PON1: variants seen among roughly 807,000 people sequenced by gnomAD.
The protein encoded by PON1 is paraoxonase 1.
PON1 carries 37 observed loss-of-function variants against 39.2 expected under a neutral mutation model. The ratio of observed to expected loss-of-function variants is 0.94; its 90% CI spans 0.73 to 1.24. The LOEUF (loss-of-function observed/expected upper bound fraction) is 1.24. Among genes scored for constraint, PON1 ranks in the 50% most tolerant of loss-of-function variants. The probability of loss-of-function intolerance (pLI) is 0.00; values close to 1 mark genes in which losing one functional copy is unlikely to be tolerated. For missense variants in PON1, 397 were observed against 413.5 expected (o/e 0.96, Z 0.35); for synonymous variants, 148 against 152.2 (o/e 0.97, Z 0.21).
intron 5 of PON1, among the ~76,000 whole-genome samples, chr7:95,310,813 A>C (rs1807637377): frequency 6.6e-6 from 1 of 152,210 alleles, no homozygotes; most frequent in South Asian, 2.1e-4. Flanking sequence ...ATAGAGTCGG[A>C]TTGTTCTCCT....
rs542286626 is a variant in PON1 at position 95,309,631 on chromosome 7, T to C, written c.498-1420A>G. On this transcript the variant is annotated intron_variant, in intron 5 of 8. Transcript: ENST00000222381. ...CTGACACTGCTTGCTATCCTTATAA[T>C]GTGGGGCCACAGCATTGTCACTAAA... is the stretch of plus-strand genomic sequence containing the variant. Among the ~76,000 whole-genome samples the C allele has an allele frequency of 1.7e-4, 26 of 152,314 alleles. No homozygotes were observed. In the East Asian group the frequency reaches 4.8e-3, roughly 28 times the overall value.
chr7:95,311,275 G>T (rs2074354), intron 5 of PON1, among the ~76,000 whole-genome samples, 176 bp downstream of exon 5: 1 of 151,944 alleles, frequency 6.6e-6, no homozygotes, highest in Admixed American at 6.6e-5. Context: ...AGAATGGGCC[G>T]TCTCTGAGGG....
chr7:95,317,483 C>T (rs62467349), intron 2 of PON1, among the ~76,000 whole-genome samples: 18,001 of 146,148 alleles, frequency 0.12, 1,110 homozygotes, highest in Non-Finnish European at 0.13. Context: ...ACAATCGCAC[C>T]ATAAGATATC....
intron 4 of PON1, among the ~76,000 whole-genome samples, chr7:95,312,279 C>T (rs190749690): frequency 2.6e-5 from 4 of 152,236 alleles, no homozygotes; most frequent in Admixed American, 6.5e-5. Flanking sequence ...CTGCAACCTC[C>T]GCCTCCCAGG....
rs374067811 is a variant in PON1 at position 95,308,019 on chromosome 7, G to C, written c.690C>G (p.Pro230=). The change falls in exon 6 of 9, where the codon CCC becomes CCG. Residue 230 remains proline (P), a synonymous_variant. Coordinates refer to ENST00000222381, the MANE Select transcript of PON1 (RefSeq NM_000446.7). ...TCAGAGAGTTCACATACTTGCCATC[G>C]GGTGAAATGTTGATTCCATTAGCAA... ...FDFANGINIS[P]DGKYVYIAEL... The C allele has an allele frequency of 3.7e-6, 6 of 1,613,324 alleles. 1 individual carries two copies. In the South Asian group the frequency reaches 5.5e-5, roughly 15 times the overall value.
At chr7:95,311,946 G>A (rs1370987294) in intron 4 of PON1, among the ~76,000 whole-genome samples, 2 of 152,216 alleles carry the variant, frequency 1.3e-5, no homozygotes, top group East Asian at 1.9e-4. Flanking sequence ...ATATGAGAAG[G>A]TGTGATCAGG....
chr7:95,308,494 GT>G (rs2116310077), intron 5 of PON1, among the ~76,000 whole-genome samples: 1 of 151,930 alleles, frequency 6.6e-6, no homozygotes, highest in South Asian at 2.1e-4. Context: ...GTGTGTGTGT[GT>G]GTGTGTGTGT....
chr7:95,306,749 C>T (rs949974357), intron 6 of PON1, among the ~76,000 whole-genome samples: 22 of 152,096 alleles, frequency 1.4e-4, no homozygotes, highest in Non-Finnish European at 2.9e-4. Context: ...CAGGAAAGCC[C>T]TTGGACAACA....
chr7:95,311,704 T>A, intron 4 of PON1, 127 bp from the exon 5 acceptor site: 1 of 1,033,464 alleles, frequency 9.7e-7, no homozygotes, highest in Admixed American at 1.9e-5. Context: ...AATATTTTCA[T>A]CTCTTTGTAG....
intron 8 of PON1, among the ~76,000 whole-genome samples, chr7:95,301,777 C>T (rs966542882): frequency 6.6e-6 from 1 of 152,040 alleles, no homozygotes; most frequent in African/African-American, 2.4e-5. Context: ...CCATGTCCCC[C>T]CTTTTATTTG....
intron 8 of PON1, among the ~76,000 whole-genome samples, chr7:95,300,860 C>A (rs1005570860): frequency 1.3e-5 from 2 of 152,154 alleles, no homozygotes; most frequent in South Asian, 4.1e-4. Flanking sequence ...CATTCAGCAA[C>A]CCTAATAGCT....
Position 95,318,283 on chromosome 7 carries a change from G to A in PON1, c.145+40C>T, listed in dbSNP as rs377573606. ...ATCACACAAAGAGCAAAAAAATACC[G>A]GAAGTTCAAATGAGACCCTTCTTCC... On this transcript the variant is annotated intron_variant, in intron 2 of 8. Transcript: ENST00000222381. 4.6e-6 allele frequency: 7 copies of A among 1,522,090 alleles called. No homozygotes were observed. In the African/African-American group the frequency reaches 5.5e-5, roughly 12 times the overall value. The allele number at this position is 1,522,090 out of a possible 1,614,324, so 94.3% of individuals were successfully genotyped here. A position where few individuals can be genotyped will look rare whatever the true frequency, so the allele number is the denominator to read the frequency against.
intron 7 of PON1, among the ~76,000 whole-genome samples, chr7:95,302,884 A>G (rs1807464935): frequency 6.6e-6 from 1 of 152,042 alleles, no homozygotes; most frequent in African/African-American, 2.4e-5. Flanking sequence ...ATGTTGTTCA[A>G]CTCCCCGTTC....
chr7:95,311,360 C>G, intron 5 of PON1, 91 bp downstream of exon 5: 1 of 1,466,756 alleles, frequency 6.8e-7, no homozygotes, highest in East Asian at 2.3e-5. Context: ...AGTTGAACAG[C>G]CATACCTACT....
At position 95,298,415 on chromosome 7, in the gene PON1, GAGTA is replaced by G. The variant is rs376044546; in HGVS notation, c.*525_*528del. 1.6e-4 allele frequency: 27 copies of G among 166,954 alleles called. No homozygotes were observed. The East Asian group carries it at 2.5e-3, about 16-fold the overall frequency. 10.3% of individuals were successfully genotyped at this position (166,954 alleles called of 1,614,324 possible). ...AAGTCATATATCGAAGGGAAAATGGGAGTAAGTAAGTCTGACTGCCATAGTCAGA... is the reference window on the plus strand; with the variant it reads ...AAGTCATATATCGAAGGGAAAATGGGAGTAAGTCTGACTGCCATAGTCAGA... On this transcript the variant is annotated 3_prime_UTR_variant, in exon 9 of 9. Transcript: ENST00000222381.
intron 8 of PON1, 64 bp from the exon 9 acceptor site, chr7:95,299,166 A>AGGTTGTT: frequency 6.8e-7 from 1 of 1,478,776 alleles, no homozygotes; most frequent in Non-Finnish European, 9.4e-7. Context: ...CTTATGCATA[A>AGGTTGTT]TAGGGTCATC....
chr7:95,316,432 C>T lies in PON1; in HGVS notation c.201+302G>A, dbSNP rs3917502. 0.037 allele frequency among the ~76,000 whole-genome samples: 5,648 copies of T among 152,108 alleles called. 371 individuals are homozygous for T. The highest frequency in any genetic ancestry group is 0.13 in the African/African-American group (5,393 of 41,468). ...TATTTGAATATGGCAATTTTAAGTG[C>T]TTAGGGAATAGACAATTGAGAGGAA... On this transcript the variant is annotated intron_variant, in intron 3 of 8. Coordinates refer to ENST00000222381, the MANE Select transcript of PON1 (RefSeq NM_000446.7).
At chr7:95,316,074 G>A (rs549925942) in intron 3 of PON1, among the ~76,000 whole-genome samples, 3 of 152,316 alleles carry the variant, frequency 2.0e-5, no homozygotes, top group African/African-American at 7.2e-5. Flanking sequence ...ATCTTTGTAA[G>A]AGAAAACTGG....
chr7:95,315,288 G>C, intron 4 of PON1, 34 bp downstream of exon 4: 1 of 1,566,404 alleles, frequency 6.4e-7, no homozygotes, highest in Non-Finnish European at 8.8e-7. Flanking sequence ...TTTTAAGTTT[G>C]GTTTTGGTTT....
Sources: gnomAD v4.1 joint callset for allele counts (sites outside exome capture counted in the v4.1 genomes callset) on GRCh38, gnomAD v4.1.1 for gene constraint, MANE v1.5 for transcripts, NCBI Gene and HGNC (gene_info 2026-07-23, HGNC 2026-07-21) for gene names.